The following MAPRE1 variants were observed in gnomAD, a reference collection of about 807,000 sequenced individuals.
The protein encoded by MAPRE1 is microtubule associated protein RP/EB family member 1, also known as microtubule-associated protein RP/EB family member 1.
In MAPRE1, 5 loss-of-function variants were observed where a neutral mutation model predicts 32.1. The ratio of observed to expected loss-of-function variants is 0.16; its 90% CI spans 0.08 to 0.33. The LOEUF (loss-of-function observed/expected upper bound fraction) is 0.33, where lower values mean the gene tolerates loss of function less well. Ranked by LOEUF, MAPRE1 falls within the 10% of genes least tolerant of loss-of-function variation. The pLI, the probability that MAPRE1 is intolerant of heterozygous loss-of-function variation, is 1.00. For synonymous variants in MAPRE1, 122 were observed against 118.9 expected, an observed-to-expected ratio of 1.03 and a Z score of -0.17; for missense variants, 209 against 327.2, an observed-to-expected ratio of 0.64 and a Z score of 2.79.
intron 1 of MAPRE1, among the ~76,000 whole-genome samples, chr20:32,821,383 C>G (rs1322934641): frequency 6.6e-6 from 1 of 152,120 alleles, no homozygotes; most frequent in Non-Finnish European, 1.5e-5. Flanking sequence ...CTTATGCAGC[C>G]CAGCAAGTGG....
intron 5 of MAPRE1, among the ~76,000 whole-genome samples, chr20:32,845,425 T>C (rs1410915453): frequency 6.6e-6 from 1 of 152,198 alleles, no homozygotes; most frequent in African/African-American, 2.4e-5. Context: ...AGAACTGTGA[T>C]TCTGGTTTGG....
At chr20:32,833,170 C>G (rs1326903623) in intron 2 of MAPRE1, among the ~76,000 whole-genome samples, 1 of 151,922 alleles carries the variant, frequency 6.6e-6, no homozygotes, top group Non-Finnish European at 1.5e-5. Context: ...CCACTGCACT[C>G]CAGCCTGGGC....
intron 2 of MAPRE1, among the ~76,000 whole-genome samples, chr20:32,827,479 G>A (rs1330556385): frequency 2.0e-5 from 3 of 152,266 alleles, no homozygotes; most frequent in South Asian, 4.1e-4. Flanking sequence ...TATGCTAATC[G>A]TATGACGTGG....
intron 5 of MAPRE1, among the ~76,000 whole-genome samples, chr20:32,841,202 A>C (rs981588550): frequency 6.6e-6 from 1 of 152,178 alleles, no homozygotes; most frequent in African/African-American, 2.4e-5. Flanking sequence ...CACCGTCCTC[A>C]TCCTTGGAGT....
At chr20:32,836,561 A>G (rs909794667) in intron 3 of MAPRE1, 73 bp from the exon 4 acceptor site, 36 of 823,080 alleles carry the variant, frequency 4.4e-5, no homozygotes, top group Non-Finnish European at 6.6e-5. Flanking sequence ...TTTATAATGA[A>G]TTGATGCATG....
At position 32,847,349 on chromosome 20, in the gene MAPRE1, AT is replaced by A. The variant is rs1397806799; in HGVS notation, c.750+586del. 2.0e-5 allele frequency among the ~76,000 whole-genome samples: 3 copies of A among 152,200 alleles called. No homozygotes were observed. In the East Asian group the frequency reaches 5.8e-4, roughly 29 times the overall value. On this transcript the variant is annotated intron_variant, in intron 6 of 6. Transcript: ENST00000375571. Reference sequence around the variant, plus strand: ...CATGTTAGTTGATCAGGGAAGACTCATTTTTTTCTAGATTTAGGATTGTTAT... The same window carrying A: ...CATGTTAGTTGATCAGGGAAGACTCATTTTTTCTAGATTTAGGATTGTTAT...
At chr20:32,844,250 T>C (rs1474947747) in intron 5 of MAPRE1, among the ~76,000 whole-genome samples, 2 of 151,910 alleles carry the variant, frequency 1.3e-5, no homozygotes, top group Non-Finnish European at 2.9e-5. Context: ...TGATTTAGTG[T>C]TTGTTATGTG....
chr20:32,844,494 A>G (rs1983451551), intron 5 of MAPRE1, among the ~76,000 whole-genome samples: 1 of 118,640 alleles, frequency 8.4e-6, no homozygotes, highest in Admixed American at 1.2e-4. Context: ...AGCTCACTGC[A>G]ACTTCCGCCT....
intron 6 of MAPRE1, among the ~76,000 whole-genome samples, chr20:32,847,313 A>G (rs1983531218): frequency 6.6e-6 from 1 of 152,190 alleles, no homozygotes; most frequent in Non-Finnish European, 1.5e-5. Flanking sequence ...ATCTGTTGAT[A>G]TTAATCACGA....
At chr20:32,838,951 C>T (rs1395615696) in intron 4 of MAPRE1, among the ~76,000 whole-genome samples, 1 of 152,120 alleles carries the variant, frequency 6.6e-6, no homozygotes, top group Non-Finnish European at 1.5e-5. Context: ...TGAGGTTTAG[C>T]CCATTCTTGA....
chr20:32,837,149 C>G (rs1183733428), intron 4 of MAPRE1, among the ~76,000 whole-genome samples: 1 of 152,190 alleles, frequency 6.6e-6, no homozygotes, highest in Admixed American at 6.5e-5. Flanking sequence ...TGCCAAAGCT[C>G]TAGAAATCCA....
At chr20:32,830,219 T>G (rs544423449) in intron 2 of MAPRE1, among the ~76,000 whole-genome samples, 1 of 152,188 alleles carries the variant, frequency 6.6e-6, no homozygotes, top group African/African-American at 2.4e-5. Context: ...CTCCTCAGCT[T>G]AATGTGGGGC....
At chr20:32,844,206 G>A (rs1024720538) in intron 5 of MAPRE1, among the ~76,000 whole-genome samples, 3 of 152,132 alleles carry the variant, frequency 2.0e-5, no homozygotes, top group African/African-American at 7.2e-5. Context: ...GGAGTGCCAC[G>A]TGAAAGCCAG....
chr20:32,840,015 C>T (rs536072625), intron 5 of MAPRE1, among the ~76,000 whole-genome samples, 159 bp downstream of exon 5: 7 of 152,206 alleles, frequency 4.6e-5, no homozygotes, highest in African/African-American at 9.6e-5. Flanking sequence ...GGAGCATGAA[C>T]GTGGAGATGT....
At chr20:32,841,550 T>C (rs1004422059) in intron 5 of MAPRE1, among the ~76,000 whole-genome samples, 3 of 151,884 alleles carry the variant, frequency 2.0e-5, no homozygotes, top group Non-Finnish European at 4.4e-5. Flanking sequence ...TGTGCCATGC[T>C]GGTGCACTGC....
intron 2 of MAPRE1, among the ~76,000 whole-genome samples, chr20:32,831,880 C>A (rs781139592): frequency 3.3e-5 from 5 of 150,252 alleles, no homozygotes; most frequent in African/African-American, 4.9e-5. Context: ...GGGTAAAATA[C>A]CACTGTGGAT....
intron 5 of MAPRE1, among the ~76,000 whole-genome samples, chr20:32,845,174 G>C (rs1159944171): frequency 2.0e-5 from 3 of 152,026 alleles, no homozygotes; most frequent in Non-Finnish European, 4.4e-5. Flanking sequence ...TTAAGTATCT[G>C]GTACTATAGG....
Position 32,836,818 on chromosome 20 carries a change from A to G in MAPRE1, c.452A>G (p.Lys151Arg), listed in dbSNP as rs763380881. ...GCTCCAGCTCTGAATAAACCGAAGAAACCTCTCACTTCTAGCAGTGCAGGT... is the reference window on the plus strand; with the variant it reads ...GCTCCAGCTCTGAATAAACCGAAGAGACCTCTCACTTCTAGCAGTGCAGGT... ...LVAPALNKPK[K>R]PLTSSSAAPQ... The change falls in exon 4 of 7, where the codon AAA becomes AGA. Residue 151 changes from lysine (K) to arginine (R), a missense_variant. By Grantham distance (26) the Lys-to-Arg change is conservative. This residue lies in a region of MAPRE1 where 106 missense variants were observed against 115.3 expected (regional missense o/e 0.92). Transcript: ENST00000375571. 11 of 1,611,216 alleles carry G rather than the reference A, an allele frequency of 6.8e-6. No homozygotes were observed.
intron 5 of MAPRE1, 82 bp from the exon 6 acceptor site, chr20:32,846,536 C>A: frequency 7.5e-7 from 1 of 1,335,718 alleles, no homozygotes; most frequent in Non-Finnish European, 1.1e-6. Context: ...AAGACCACAT[C>A]TCCTTTTGGG....
Sources: gnomAD v4.1 joint callset for allele counts (sites outside exome capture counted in the v4.1 genomes callset) on GRCh38, gnomAD v4.1.1 for gene constraint, gnomAD v4.1.1 regional missense constraint, MANE v1.5 for transcripts, NCBI Gene and HGNC (gene_info 2026-07-23, HGNC 2026-07-21) for gene names.